AK5: variants seen among roughly 807,000 people sequenced by gnomAD.
The protein encoded by AK5 is adenylate kinase 5.
AK5 carries 27 observed loss-of-function variants against 69.5 expected under a neutral mutation model. That is an observed-to-expected ratio of 0.39 (90% CI 0.29 to 0.54). AK5 has a LOEUF of 0.54. Ranked by LOEUF, AK5 falls within the 20% of genes least tolerant of loss-of-function variation. The pLI, the probability that AK5 is intolerant of heterozygous loss-of-function variation, is 0.71. For synonymous variants in AK5, 260 were observed against 244.4 expected, an observed-to-expected ratio of 1.06 and a Z score of -0.60; for missense variants, 531 against 700.4, an observed-to-expected ratio of 0.76 and a Z score of 2.73.
At chr1:77,470,409 G>T (rs987291900) in intron 8 of AK5, among the ~76,000 whole-genome samples, 3 of 152,186 alleles carry the variant, frequency 2.0e-5, no homozygotes, top group Admixed American at 1.3e-4. Context: ...GATGGCTGAG[G>T]TGGGAAGATC....
In AK5 at chr1:77,323,240, C is replaced by T. The variant is rs1012146361; in HGVS notation, c.700-17137C>T. On this transcript the variant is annotated intron_variant, in intron 5 of 13. Coordinates refer to ENST00000354567, the MANE Select transcript of AK5 (RefSeq NM_174858.3). ...TGCCTGACCTCAGGGGATCTGCCTA[C>T]CTTGGCCTCCCAAAGTGCTGGGATT... is the stretch of plus-strand genomic sequence containing the variant. Among the ~76,000 whole-genome samples, 3 of 152,128 alleles carry T rather than the reference C, an allele frequency of 2.0e-5. No individual in the cohort carries two copies. The South Asian group carries it at 6.2e-4, about 32-fold the overall frequency.
intron 10 of AK5, among the ~76,000 whole-genome samples, chr1:77,497,067 C>G (rs1188436300): frequency 2.0e-5 from 3 of 152,244 alleles, no homozygotes; most frequent in Non-Finnish European, 2.9e-5. Flanking sequence ...ATAAATCTTG[C>G]TGCTGCTGAT....
intron 6 of AK5, among the ~76,000 whole-genome samples, chr1:77,381,882 A>G (rs1003502914): frequency 6.6e-6 from 1 of 152,230 alleles, no homozygotes; most frequent in Non-Finnish European, 1.5e-5. Flanking sequence ...TAAGGATGCT[A>G]GATAGCATTA....
intron 10 of AK5, among the ~76,000 whole-genome samples, chr1:77,509,320 T>C (rs1335348409): frequency 1.3e-5 from 2 of 152,246 alleles, no homozygotes; most frequent in African/African-American, 4.8e-5. Context: ...CAGTCAGTGC[T>C]TTTCAGAACT....
chr1:77,382,287 G>A (rs61782696), intron 6 of AK5, among the ~76,000 whole-genome samples: 9,866 of 148,816 alleles, frequency 0.066, 468 homozygotes, highest in Middle Eastern at 0.11. Context: ...TGCAAAACTG[G>A]AGCAAATGAT....
At chr1:77,347,038 A>G (rs1467257065) in intron 6 of AK5, among the ~76,000 whole-genome samples, 2 of 152,184 alleles carry the variant, frequency 1.3e-5, no homozygotes, top group Non-Finnish European at 2.9e-5. Flanking sequence ...ATCCATTGTC[A>G]TGTAACCAAA....
intron 12 of AK5, among the ~76,000 whole-genome samples, chr1:77,530,786 A>G (rs1471925109): frequency 1.3e-5 from 2 of 152,082 alleles, no homozygotes; most frequent in African/African-American, 4.8e-5. Flanking sequence ...GAGTTCCTGG[A>G]TGGCATGGAG....
At chr1:77,389,689 C>T (rs909022262) in intron 6 of AK5, among the ~76,000 whole-genome samples, 5 of 152,258 alleles carry the variant, frequency 3.3e-5, no homozygotes, top group Middle Eastern at 3.4e-3. Context: ...AGGCTGGGCA[C>T]GATGGCTCAT....
At chr1:77,474,545 G>A (rs1158472704) in intron 8 of AK5, among the ~76,000 whole-genome samples, 3 of 152,182 alleles carry the variant, frequency 2.0e-5, no homozygotes, top group Non-Finnish European at 4.4e-5. Context: ...TTCTATGACA[G>A]TGATGATCAA....
chr1:77,320,377 G>A (rs1660466709), intron 5 of AK5, among the ~76,000 whole-genome samples: 1 of 152,146 alleles, frequency 6.6e-6, no homozygotes, highest in Non-Finnish European at 1.5e-5. Flanking sequence ...CATTATGTGG[G>A]TAGAAATAAG....
At chr1:77,507,625 G>C (rs1657100909) in intron 10 of AK5, among the ~76,000 whole-genome samples, 1 of 152,128 alleles carries the variant, frequency 6.6e-6, no homozygotes, top group Non-Finnish European at 1.5e-5. Flanking sequence ...GCAAGAGAGA[G>C]GTATGGCCCT....
intron 6 of AK5, among the ~76,000 whole-genome samples, chr1:77,380,521 A>G (rs1024613227): frequency 1.4e-4 from 21 of 152,222 alleles, no homozygotes; most frequent in African/African-American, 3.4e-4. Context: ...AATGTACAAC[A>G]CATGTGCTAT....
chr1:77,338,157 GT>G (rs1428046215), intron 5 of AK5, among the ~76,000 whole-genome samples: 4 of 151,974 alleles, frequency 2.6e-5, no homozygotes, highest in African/African-American at 9.7e-5. Context: ...TAGAGACGGG[GT>G]TTTGCCATTT....
At chr1:77,528,593 C>T (rs1212141783) in intron 12 of AK5, among the ~76,000 whole-genome samples, 1 of 152,216 alleles carries the variant, frequency 6.6e-6, no homozygotes, top group Non-Finnish European at 1.5e-5. Flanking sequence ...ACCTTCCTAT[C>T]TTCTATTCCC....
chr1:77,538,961 A>G (rs544969317), intron 13 of AK5, among the ~76,000 whole-genome samples: 1 of 152,356 alleles, frequency 6.6e-6, no homozygotes, highest in South Asian at 2.1e-4. Context: ...TGATTCTAGA[A>G]TTGGGCAGAC....
intron 5 of AK5, chr1:77,314,675 A>G (rs1340844266): frequency 6.6e-6 from 1 of 152,110 alleles, no homozygotes; most frequent in Non-Finnish European, 1.5e-5. Flanking sequence ...CCTTTTAGCT[A>G]TTTGAAACTA....
chr1:77,525,195 T>C lies in AK5; in HGVS notation c.1428+3252T>C, dbSNP rs141380816. Reference sequence around the variant, plus strand: ...AAGTGCTGGGATTACAGGCGTGAGCTACCATGCCCAGCCTTGATCCATTTT... The same window carrying C: ...AAGTGCTGGGATTACAGGCGTGAGCCACCATGCCCAGCCTTGATCCATTTT... On this transcript the variant is annotated intron_variant, in intron 12 of 13. Transcript: ENST00000354567. Among the ~76,000 whole-genome samples the C allele has an allele frequency of 5.9e-3, 897 of 152,326 alleles. 10 individuals carry two copies. The highest frequency in any genetic ancestry group is 0.021 in the African/African-American group (864 of 41,568).
intron 8 of AK5, among the ~76,000 whole-genome samples, chr1:77,479,738 T>C (rs2100715217): frequency 6.6e-6 from 1 of 152,342 alleles, no homozygotes; most frequent in South Asian, 2.1e-4. Context: ...GAAAGTCACC[T>C]ATGTCCCGTT....
intron 13 of AK5, among the ~76,000 whole-genome samples, chr1:77,556,992 T>C (rs958205173): frequency 5.3e-5 from 8 of 151,940 alleles, no homozygotes; most frequent in African/African-American, 1.9e-4. Flanking sequence ...TTTTTTTCCT[T>C]TTTTCGTTTG....
Sources: allele counts gnomAD v4.1 joint callset (sites outside exome capture counted in the v4.1 genomes callset), GRCh38; gene constraint gnomAD v4.1.1; transcripts MANE v1.5; gene names NCBI Gene and HGNC (gene_info 2026-07-23, HGNC 2026-07-21).